CACNA2D3: variants seen among roughly 807,000 people sequenced by gnomAD.
The protein encoded by CACNA2D3 is voltage-dependent calcium channel subunit alpha-2/delta-3.
CACNA2D3 carries 60 observed loss-of-function variants against 160.6 expected under a neutral mutation model. That is an observed-to-expected ratio of 0.37 (90% confidence interval 0.30 to 0.46). The LOEUF (loss-of-function observed/expected upper bound fraction) is 0.46. CACNA2D3 is among the 20% of genes least tolerant of loss of function. CACNA2D3 has a pLI of 1.00. For missense variants in CACNA2D3, 1,205 were observed against 1,365.0 expected, an observed-to-expected ratio of 0.88 and a Z score of 1.85; for synonymous variants, 558 against 492.9, an observed-to-expected ratio of 1.13 and a Z score of -1.75.
At chr3:54,440,923 C>G (rs1270850723) in intron 4 of CACNA2D3, among the ~76,000 whole-genome samples, 1 of 152,112 alleles carries the variant, frequency 6.6e-6, no homozygotes, top group Admixed American at 6.6e-5. Context: ...TCTTTGCTAT[C>G]GTGAATAGTG....
intron 11 of CACNA2D3, among the ~76,000 whole-genome samples, chr3:54,643,502 A>C (rs529683161): frequency 1.3e-5 from 2 of 152,210 alleles, no homozygotes; most frequent in African/African-American, 4.8e-5. Flanking sequence ...TGAGCTGACT[A>C]TGTGGGATTC....
At chr3:54,697,156 T>G (rs1371757419) in intron 11 of CACNA2D3, among the ~76,000 whole-genome samples, 1 of 152,128 alleles carries the variant, frequency 6.6e-6, no homozygotes, top group African/African-American at 2.4e-5. Flanking sequence ...TGCATGCTTG[T>G]GGTCCCAGCT....
At chr3:54,326,284 A>G (rs1704119083) in intron 3 of CACNA2D3, among the ~76,000 whole-genome samples, 1 of 152,174 alleles carries the variant, frequency 6.6e-6, no homozygotes, top group South Asian at 2.1e-4. Flanking sequence ...GATTTACGCC[A>G]ATCTTCCAAA....
At chr3:54,467,383 G>A (rs1179481710) in intron 4 of CACNA2D3, among the ~76,000 whole-genome samples, 2 of 152,120 alleles carry the variant, frequency 1.3e-5, no homozygotes, top group Non-Finnish European at 2.9e-5. Flanking sequence ...GAAGTGGAAA[G>A]GACACAGTAA....
chr3:54,465,280 C>G (rs542381602), intron 4 of CACNA2D3, among the ~76,000 whole-genome samples: 11 of 151,752 alleles, frequency 7.2e-5, no homozygotes, highest in Non-Finnish European at 1.5e-4. Context: ...TGTTTGATTA[C>G]TTTATATCTC....
intron 2 of CACNA2D3, among the ~76,000 whole-genome samples, chr3:54,186,620 C>G (rs1317569398): frequency 1.3e-5 from 2 of 152,094 alleles, no homozygotes; most frequent in Non-Finnish European, 2.9e-5. Flanking sequence ...TCTCTTCATA[C>G]TACATGACTG....
At chr3:54,986,759 A>C (rs1575422977) in intron 30 of CACNA2D3, among the ~76,000 whole-genome samples, 1 of 115,480 alleles carries the variant, frequency 8.7e-6, no homozygotes, top group African/African-American at 3.3e-5. Context: ...ACAAGCTACA[A>C]ATCTTCAGAG....
chr3:54,564,340 T>A (rs1332072014), intron 6 of CACNA2D3, among the ~76,000 whole-genome samples: 1 of 152,232 alleles, frequency 6.6e-6, no homozygotes, highest in Non-Finnish European at 1.5e-5. Context: ...TTTTTATCAG[T>A]CAGAACAATT....
intron 27 of CACNA2D3, among the ~76,000 whole-genome samples, chr3:54,947,647 G>A (rs1226193624): frequency 6.6e-6 from 1 of 152,048 alleles, no homozygotes; most frequent in Non-Finnish European, 1.5e-5. Flanking sequence ...AGCAGGCAAA[G>A]GAAATTTTTG....
chr3:54,277,527 G>A (rs929297812), intron 2 of CACNA2D3, among the ~76,000 whole-genome samples: 10 of 152,298 alleles, frequency 6.6e-5, no homozygotes, highest in African/African-American at 2.4e-4. Context: ...TTTGGTTACT[G>A]TAGCCTTGTA....
chr3:54,550,106 A>G (rs1222562823), intron 5 of CACNA2D3, among the ~76,000 whole-genome samples: 1 of 152,124 alleles, frequency 6.6e-6, no homozygotes, highest in East Asian at 1.9e-4. Context: ...AGAGCATAGG[A>G]CAAGGCTTCA....
intron 27 of CACNA2D3, chr3:54,918,418 T>A (rs752846135): frequency 9.1e-6 from 14 of 1,545,520 alleles, no homozygotes; most frequent in Middle Eastern, 3.5e-4. Context: ...AGACACTATC[T>A]TCTGGCCTGC....
intron 14 of CACNA2D3, among the ~76,000 whole-genome samples, chr3:54,836,694 T>C (rs1463050570): frequency 6.6e-6 from 1 of 152,184 alleles, no homozygotes; most frequent in African/African-American, 2.4e-5. Context: ...ACTGGCTACC[T>C]TGGGGAAAAT....
intron 2 of CACNA2D3, among the ~76,000 whole-genome samples, chr3:54,274,065 G>A (rs1263423971): frequency 6.6e-6 from 1 of 151,990 alleles, no homozygotes; most frequent in Non-Finnish European, 1.5e-5. Context: ...GTGTGTCTTT[G>A]TTTGTGTTAG....
intron 13 of CACNA2D3, among the ~76,000 whole-genome samples, chr3:54,784,079 A>G (rs111709440): frequency 6.6e-6 from 1 of 152,314 alleles, no homozygotes; most frequent in African/African-American, 2.4e-5. Flanking sequence ...CCTTGAGGGC[A>G]TTTTTAATGA....
chr3:54,869,685 C>A (rs13089582), intron 17 of CACNA2D3, among the ~76,000 whole-genome samples: 1 of 152,150 alleles, frequency 6.6e-6, no homozygotes, highest in Non-Finnish European at 1.5e-5. Context: ...GACTGTCTGA[C>A]TCTAAGTCCT....
intron 4 of CACNA2D3, among the ~76,000 whole-genome samples, chr3:54,462,136 G>C (rs539140454): frequency 1.3e-5 from 2 of 152,256 alleles, no homozygotes; most frequent in Non-Finnish European, 2.9e-5. Flanking sequence ...ACTGTGGTCT[G>C]AGAGACAGCT....
At chr3:54,932,864 A>G (rs530429055) in intron 27 of CACNA2D3, among the ~76,000 whole-genome samples, 67 of 152,350 alleles carry the variant, frequency 4.4e-4, no homozygotes, top group African/African-American at 1.5e-3. Flanking sequence ...AGTGGGGAGT[A>G]GGCCCTTGGC....
intron 27 of CACNA2D3, among the ~76,000 whole-genome samples, chr3:54,961,287 C>T (rs1702024406): frequency 6.6e-6 from 1 of 152,112 alleles, no homozygotes; most frequent in Non-Finnish European, 1.5e-5. Flanking sequence ...ATACCCAGTG[C>T]CCTGATTAAG....
Sources: gnomAD v4.1 joint callset for allele counts (sites outside exome capture counted in the v4.1 genomes callset) on GRCh38, gnomAD v4.1.1 for gene constraint, MANE v1.5 for transcripts, NCBI Gene and HGNC (gene_info 2026-07-23, HGNC 2026-07-21) for gene names.